Variants in TTC29 observed in about 807,000 individuals in gnomAD.
The protein encoded by TTC29 is tetratricopeptide repeat protein 29.
Under a neutral mutation model 58.1 loss-of-function variants are expected in TTC29, and 49 were observed. The observed-to-expected ratio is 0.84, with a 90% confidence interval of 0.67 to 1.07. The LOEUF (loss-of-function observed/expected upper bound fraction) is 1.07. TTC29 is among the 50% of genes least tolerant of loss of function. The pLI, the probability that TTC29 is intolerant of heterozygous loss-of-function variation, is 0.00. For missense variants in TTC29, 582 were observed against 555.6 expected (o/e 1.05, Z -0.48); for synonymous variants, 209 against 196.8 (o/e 1.06, Z -0.52).
chr4:146,742,802 C>T (rs1342073758), intron 11 of TTC29, among the ~76,000 whole-genome samples: 1 of 145,442 alleles, frequency 6.9e-6, no homozygotes, highest in Non-Finnish European at 1.5e-5. Flanking sequence ...CTTTCTTCCT[C>T]CTTTAAACCA....
intron 11 of TTC29, among the ~76,000 whole-genome samples, chr4:146,719,463 C>A (rs1169653529): frequency 6.6e-6 from 1 of 152,084 alleles, no homozygotes; most frequent in Admixed American, 6.6e-5. Context: ...TGCTCATTCT[C>A]ACTTCAATGA....
At chr4:146,717,118 G>A (rs191348892) in intron 11 of TTC29, among the ~76,000 whole-genome samples, 19 of 152,262 alleles carry the variant, frequency 1.2e-4, no homozygotes, top group Admixed American at 1.2e-3. Context: ...ATGTAGAGTA[G>A]GAGTAAAATA....
At position 146,930,213 on chromosome 4, in the gene TTC29, G is replaced by C. The variant is rs1735238188; in HGVS notation, c.176+7381C>G. 2.0e-5 allele frequency among the ~76,000 whole-genome samples: 3 copies of C among 148,656 alleles called. No individual in the cohort carries two copies. The South Asian group carries it at 6.4e-4, about 32-fold the overall frequency. ...CAGAGAATCACTGAAATACAAACATGAAGTTTTAAAAGCTTCCAAATAATA... is the reference window on the plus strand; with the variant it reads ...CAGAGAATCACTGAAATACAAACATCAAGTTTTAAAAGCTTCCAAATAATA... On this transcript the variant is annotated intron_variant, in intron 4 of 12. Coordinates refer to ENST00000325106, the MANE Select transcript of TTC29 (RefSeq NM_031956.4).
chr4:146,727,445 C>T (rs770305457), intron 11 of TTC29, among the ~76,000 whole-genome samples: 4 of 152,278 alleles, frequency 2.6e-5, no homozygotes, highest in Non-Finnish European at 5.9e-5. Flanking sequence ...ATGTACTCAC[C>T]ATTACAGAAT....
At chr4:146,784,086 T>C (rs1007194448) in intron 11 of TTC29, among the ~76,000 whole-genome samples, 1 of 150,202 alleles carries the variant, frequency 6.7e-6, no homozygotes, top group Non-Finnish European at 1.5e-5. Context: ...AGTATATACA[T>C]ATATATACTA....
At chr4:146,707,879 A>T (rs893504544) in intron 11 of TTC29, among the ~76,000 whole-genome samples, 2 of 152,172 alleles carry the variant, frequency 1.3e-5, no homozygotes, top group Admixed American at 1.3e-4. Flanking sequence ...GGCTAGGTCC[A>T]TAAAGGCTAT....
At chr4:146,836,135 A>C (rs1728494002) in intron 8 of TTC29, among the ~76,000 whole-genome samples, 1 of 152,168 alleles carries the variant, frequency 6.6e-6, no homozygotes, top group Non-Finnish European at 1.5e-5. Context: ...AATGGTTGTA[A>C]TGCTGTGAGA....
At chr4:146,768,567 AT>A (rs923985393) in intron 11 of TTC29, among the ~76,000 whole-genome samples, 2 of 151,884 alleles carry the variant, frequency 1.3e-5, no homozygotes, top group Admixed American at 1.3e-4. Flanking sequence ...TTTTGAAGAG[AT>A]TTTTTCCCCT....
intron 11 of TTC29, among the ~76,000 whole-genome samples, chr4:146,741,631 C>A (rs1166702929): frequency 6.6e-6 from 1 of 152,054 alleles, no homozygotes; most frequent in Non-Finnish European, 1.5e-5. Context: ...ATCTCCAGTT[C>A]CTCCTCTACA....
chr4:146,773,120 G>T (rs1029652830), intron 11 of TTC29, among the ~76,000 whole-genome samples: 1 of 152,088 alleles, frequency 6.6e-6, no homozygotes, highest in Non-Finnish European at 1.5e-5. Context: ...GAGCTTTTGG[G>T]CAGAGACTAT....
At chr4:146,910,359 A>T (rs941924426) in intron 4 of TTC29, among the ~76,000 whole-genome samples, 1 of 152,124 alleles carries the variant, frequency 6.6e-6, no homozygotes, top group African/African-American at 2.4e-5. Flanking sequence ...GCTGCTTCTC[A>T]ATTCCTCATT....
intron 6 of TTC29, among the ~76,000 whole-genome samples, chr4:146,897,782 T>C (rs1732871120): frequency 6.6e-6 from 1 of 152,184 alleles, no homozygotes; most frequent in Admixed American, 6.5e-5. Flanking sequence ...AGCATGGCAA[T>C]TGTTCCAGTA....
intron 5 of TTC29, among the ~76,000 whole-genome samples, chr4:146,906,859 C>G (rs1459755503): frequency 6.6e-6 from 1 of 152,184 alleles, no homozygotes; most frequent in African/African-American, 2.4e-5. Flanking sequence ...CGGTGGCTTA[C>G]GCCTGTAATC....
chr4:146,872,930 T>A (rs1579878912), intron 7 of TTC29, among the ~76,000 whole-genome samples: 1 of 152,126 alleles, frequency 6.6e-6, no homozygotes, highest in Admixed American at 6.6e-5. Flanking sequence ...ATTCCAGCAT[T>A]ATTCATAATA....
chr4:146,748,650 G>T (rs1046006539), intron 11 of TTC29, among the ~76,000 whole-genome samples: 1 of 152,164 alleles, frequency 6.6e-6, no homozygotes, highest in Non-Finnish European at 1.5e-5. Context: ...TGCAACTGAA[G>T]AAGCTACATG....
chr4:146,760,128 T>C (rs1746764149), intron 11 of TTC29, among the ~76,000 whole-genome samples: 1 of 152,054 alleles, frequency 6.6e-6, no homozygotes, highest in African/African-American at 2.4e-5. Context: ...TCAGTAGCTC[T>C]TCTATACACC....
chr4:146,795,842 A>G (rs997141612), intron 11 of TTC29, among the ~76,000 whole-genome samples: 2 of 152,180 alleles, frequency 1.3e-5, no homozygotes, highest in African/African-American at 4.8e-5. Flanking sequence ...TCCAAATTCT[A>G]GCAATGGTAG....
intron 11 of TTC29, among the ~76,000 whole-genome samples, chr4:146,780,302 GGTGTGTGTGTGTGT>G (rs57951745): frequency 7.9e-5 from 11 of 138,542 alleles, no homozygotes; most frequent in South Asian, 2.5e-4. Context: ...CCTAACTTGG[GGTGTGTGTGTGTGT>G]GTGTGTGTGT....
intron 11 of TTC29, among the ~76,000 whole-genome samples, chr4:146,765,851 A>G (rs1465510471): frequency 6.6e-6 from 1 of 152,148 alleles, no homozygotes; most frequent in Non-Finnish European, 1.5e-5. Flanking sequence ...TTCAAAGGAT[A>G]TAAATCAACT....
Sources: allele counts gnomAD v4.1 joint callset (sites outside exome capture counted in the v4.1 genomes callset), GRCh38; gene constraint gnomAD v4.1.1; transcripts MANE v1.5; gene names NCBI Gene and HGNC (gene_info 2026-07-23, HGNC 2026-07-21).